TOX: variants seen among roughly 807,000 people sequenced by gnomAD.
TOX encodes thymocyte selection associated high mobility group box.
TOX carries 11 observed loss-of-function variants against 53.7 expected under a neutral mutation model. The ratio of observed to expected loss-of-function variants is 0.20; its 90% CI spans 0.13 to 0.34. The LOEUF (loss-of-function observed/expected upper bound fraction) is 0.34. TOX is among the 10% of genes least tolerant of loss of function. The pLI, the probability that TOX is intolerant of heterozygous loss-of-function variation, is 1.00. For synonymous variants in TOX, 225 were observed against 245.3 expected, an observed-to-expected ratio of 0.92 and a Z score of 0.77; for missense variants, 570 against 664.6, an observed-to-expected ratio of 0.86 and a Z score of 1.56.
chr8:58,811,669 C>T (rs993791196), intron 7 of TOX, among the ~76,000 whole-genome samples: 1 of 152,070 alleles, frequency 6.6e-6, no homozygotes, highest in Admixed American at 6.5e-5. Context: ...GTTTATTACA[C>T]AAGGAAATTG....
intron 1 of TOX, among the ~76,000 whole-genome samples, chr8:59,047,221 T>G (rs1216398470): frequency 8.0e-6 from 1 of 125,296 alleles, no homozygotes; most frequent in East Asian, 2.3e-4. Context: ...TTTTTTTTTT[T>G]TTTTTTTTTT....
At chr8:58,927,047 CTT>C (rs10715496) in intron 3 of TOX, among the ~76,000 whole-genome samples, 66 of 145,100 alleles carry the variant, frequency 4.5e-4, no homozygotes, top group East Asian at 2.0e-3. Flanking sequence ...ATTGTCACAC[CTT>C]TTTTTTTTTT....
intron 1 of TOX, among the ~76,000 whole-genome samples, chr8:58,988,113 A>G (rs764584250): frequency 2.0e-4 from 30 of 152,240 alleles, no homozygotes; most frequent in Admixed American, 7.2e-4. Flanking sequence ...CATTGGATGA[A>G]CAGTCACCTG....
At chr8:58,961,952 A>C (rs1179303360) in intron 1 of TOX, among the ~76,000 whole-genome samples, 1 of 152,238 alleles carries the variant, frequency 6.6e-6, no homozygotes, top group Non-Finnish European at 1.5e-5. Flanking sequence ...TTGTTTGCAA[A>C]TGGTTTTCAT....
intron 1 of TOX, among the ~76,000 whole-genome samples, chr8:59,022,260 A>C (rs747263526): frequency 5.9e-5 from 9 of 152,136 alleles, no homozygotes; most frequent in Admixed American, 2.6e-4. Context: ...GCATGTTCCC[A>C]GTCTTTAAAC....
At chr8:59,066,168 C>G (rs1209106979) in intron 1 of TOX, among the ~76,000 whole-genome samples, 1 of 152,192 alleles carries the variant, frequency 6.6e-6, no homozygotes, top group East Asian at 1.9e-4. Context: ...CAGTAAAAAG[C>G]ATTAAATGGC....
chr8:59,044,987 T>C (rs1334077769), intron 1 of TOX, among the ~76,000 whole-genome samples: 1 of 152,240 alleles, frequency 6.6e-6, no homozygotes, highest in Non-Finnish European at 1.5e-5. Flanking sequence ...TATCATTCCA[T>C]TTAACCTACA....
At chr8:58,914,119 C>T (rs2129174198) in intron 3 of TOX, among the ~76,000 whole-genome samples, 1 of 152,304 alleles carries the variant, frequency 6.6e-6, no homozygotes, top group South Asian at 2.1e-4. Flanking sequence ...AAGCACTGTG[C>T]TGTCAATATC....
chr8:58,880,989 C>A lies in TOX; in HGVS notation c.412-29184G>T, dbSNP rs77170942. Among the ~76,000 whole-genome samples, 1,406 of 152,072 alleles carry A rather than the reference C, an allele frequency of 9.2e-3. 23 individuals are homozygous for A. The highest frequency in any genetic ancestry group is 0.031 in the African/African-American group (1,303 of 41,456). Reference sequence around the variant, plus strand: ...TTTAACAAATAATGACTGCAGGCCTCCTATATAGGAGGCATTGTCCTGGTA... The same window carrying A: ...TTTAACAAATAATGACTGCAGGCCTACTATATAGGAGGCATTGTCCTGGTA... On this transcript the variant is annotated intron_variant, in intron 3 of 8. Coordinates refer to ENST00000361421, the MANE Select transcript of TOX (RefSeq NM_014729.3).
intron 6 of TOX, among the ~76,000 whole-genome samples, chr8:58,820,246 A>T (rs1810251040): frequency 6.6e-6 from 1 of 151,548 alleles, no homozygotes; most frequent in African/African-American, 2.4e-5. Context: ...AACTTTCTTG[A>T]CTTAATTCAA....
At chr8:58,844,217 A>G (rs556487483) in intron 4 of TOX, among the ~76,000 whole-genome samples, 17 of 152,194 alleles carry the variant, frequency 1.1e-4, no homozygotes, top group Non-Finnish European at 2.1e-4. Flanking sequence ...CTAAAAGGGT[A>G]GCTGCTAACC....
At chr8:58,835,755 A>T (rs902896327) in intron 5 of TOX, among the ~76,000 whole-genome samples, 1 of 152,192 alleles carries the variant, frequency 6.6e-6, no homozygotes, top group Non-Finnish European at 1.5e-5. Flanking sequence ...GCTCTTGAAT[A>T]TGGAAAATGA....
intron 1 of TOX, among the ~76,000 whole-genome samples, chr8:59,021,481 A>AAAAATATATATATATATATATATATATAT (rs59174995): frequency 1.5e-5 from 1 of 64,736 alleles, no homozygotes; most frequent in Non-Finnish European, 3.1e-5. Context: ...AAAAAAAAAA[A>AAAAATATATATATATATATATATATATAT]ATATATATAT....
intron 1 of TOX, among the ~76,000 whole-genome samples, chr8:59,111,184 T>C (rs1229106437): frequency 1.1e-4 from 16 of 152,166 alleles, no homozygotes; most frequent in Admixed American, 9.2e-4. Flanking sequence ...GTTAGGTTTA[T>C]TTTGCCTAGG....
In TOX at chr8:58,984,605, C is replaced by A. The variant is rs530357745; in HGVS notation, c.103-24597G>T. ...CAGGAGATCGACACCACAGTGAAAC[C>A]CCGTCTCTACTAAAAATCCAAAAAA... On this transcript the variant is annotated intron_variant, in intron 1 of 8. Coordinates refer to ENST00000361421, the MANE Select transcript of TOX (RefSeq NM_014729.3). Among the ~76,000 whole-genome samples the A allele has an allele frequency of 2.6e-5, 4 of 151,998 alleles. No individual in the cohort carries two copies. The South Asian group carries it at 8.3e-4, about 32-fold the overall frequency.
chr8:58,819,434 G>A (rs1236766691), intron 6 of TOX, among the ~76,000 whole-genome samples: 1 of 152,184 alleles, frequency 6.6e-6, no homozygotes, highest in Non-Finnish European at 1.5e-5. Flanking sequence ...CTTGCTGTTA[G>A]TTTCTGAGTA....
At chr8:58,975,243 T>C (rs897424501) in intron 1 of TOX, among the ~76,000 whole-genome samples, 35 of 88,548 alleles carry the variant, frequency 4.0e-4, no homozygotes, top group Admixed American at 1.2e-3. Context: ...GTGATATATA[T>C]ATACACACAC....
intron 1 of TOX, among the ~76,000 whole-genome samples, chr8:58,979,716 A>G (rs1404314643): frequency 6.6e-6 from 1 of 152,232 alleles, no homozygotes; most frequent in Admixed American, 6.5e-5. Flanking sequence ...GTATATATTA[A>G]AAGCAATACA....
chr8:58,815,689 T>C lies in TOX; in HGVS notation c.1041A>G (p.Gln347=). 6.2e-7 allele frequency: 1 copy of C among 1,612,786 alleles called. No homozygotes were observed. Among genetic ancestry groups the C allele is most frequent in the Non-Finnish European group, 8.5e-7 (1 of 1,179,584 alleles). Residue 347 remains glutamine, a synonymous_variant, in exon 7 of 9, where the codon CAA becomes CAG. Coordinates refer to ENST00000361421, the MANE Select transcript of TOX (RefSeq NM_014729.3). ...GCTTCGAATTGATCAGCTGAGGAGG[T>C]TGAGATGTCTTCACGTCAACAGGTT... ...YSEPVDVKTS[Q]PPQLINSKPS... is the part of the protein sequence containing the mutation.
Sources: allele counts gnomAD v4.1 joint callset (sites outside exome capture counted in the v4.1 genomes callset), GRCh38; gene constraint gnomAD v4.1.1; transcripts MANE v1.5; gene names NCBI Gene and HGNC (gene_info 2026-07-23, HGNC 2026-07-21).